Variants in BCORL1 observed in about 807,000 individuals in gnomAD.
BCORL1 encodes BCL-6 corepressor-like protein 1.
BCORL1 carries 7 observed loss-of-function variants against 87.6 expected under a neutral mutation model. The ratio of observed to expected loss-of-function variants is 0.08; its 90% CI spans 0.05 to 0.15. The LOEUF is 0.15. Among genes scored for constraint, BCORL1 ranks in the 10% least tolerant of loss-of-function variants. BCORL1 has a pLI of 1.00. For synonymous variants in BCORL1, 591 were observed against 634.4 expected (o/e 0.93, Z 1.03); for missense variants, 1,215 against 1,499.7 (o/e 0.81, Z 3.13).
intron 8 of BCORL1, 127 bp downstream of exon 8, chrX:130,028,988 T>G: frequency 7.3e-6 from 4 of 549,941 alleles, no homozygotes; most frequent in Non-Finnish European, 5.9e-6. Context: ...AAACTAGTTC[T>G]CGAAGGGTTG....
At chrX:130,037,755 G>A (rs1931045686) in intron 10 of BCORL1, among the ~76,000 whole-genome samples, 1 of 111,544 alleles carries the variant, frequency 9.0e-6, no homozygotes, top group African/African-American at 3.3e-5. Context: ...GCCGGGTGTG[G>A]TGGCATGTGC....
intron 1 of BCORL1, among the ~76,000 whole-genome samples, chrX:129,993,850 A>G (rs1181346951): frequency 9.1e-6 from 1 of 110,106 alleles, no homozygotes; most frequent in African/African-American, 3.3e-5. Flanking sequence ...GTTGGTGTGC[A>G]ATGGCACAAT....
chrX:130,003,375 T>TTCTTCTTC (rs1556039830), intron 1 of BCORL1, among the ~76,000 whole-genome samples: 256 of 82,793 alleles, frequency 3.1e-3, no homozygotes, highest in African/African-American at 0.017. Context: ...CTTCTTCTTC[T>TTCTTCTTC]TTTTTTTTTT....
intron 1 of BCORL1, among the ~76,000 whole-genome samples, chrX:129,999,684 T>C (rs565424146): frequency 0.018 from 1,633 of 90,817 alleles, 26 homozygotes; most frequent in African/African-American, 0.048. Flanking sequence ...TAATTCTTTT[T>C]CCCCCCCCCC....
At chrX:129,990,914 A>G (rs1927087229) in intron 1 of BCORL1, among the ~76,000 whole-genome samples, 1 of 111,153 alleles carries the variant, frequency 9.0e-6, no homozygotes, top group Non-Finnish European at 1.9e-5. Flanking sequence ...TGTTTATTTA[A>G]TTAATTAATT....
chrX:129,997,629 T>C (rs1369953333), intron 1 of BCORL1, among the ~76,000 whole-genome samples: 2 of 107,832 alleles, frequency 1.9e-5, no homozygotes, highest in African/African-American at 6.8e-5. Flanking sequence ...CCGTCTCTAC[T>C]AAAAATACAA....
In BCORL1 at chrX:130,014,902, C is replaced by T; in HGVS notation, c.2130C>T (p.Ile710=). 8.3e-7 allele frequency: 1 copy of T among 1,211,733 alleles called. No individual in the cohort carries two copies. Among genetic ancestry groups the T allele is most frequent in the Non-Finnish European group, 1.1e-6 (1 of 895,499 alleles). The change falls in exon 4 of 14, where the codon ATC becomes ATT. Residue 710 remains isoleucine (I), a synonymous_variant. Coordinates refer to ENST00000540052, the MANE Select transcript of BCORL1 (RefSeq NM_001379451.1). The part of the protein sequence containing the change: ...STWVKNSTAL[I]STIPGTYVGV... ...GGGTGAAGAACTCAACTGCACTGAT[C>T]AGCACCATTCCTGGCACCTACGTGG...
At chrX:129,999,331 T>C (rs1349261836) in intron 1 of BCORL1, among the ~76,000 whole-genome samples, 3 of 86,889 alleles carry the variant, frequency 3.5e-5, no homozygotes, top group African/African-American at 1.3e-4. Flanking sequence ...TTTTTTGAGA[T>C]AGGGTCTCCC....
Position 130,012,585 on chromosome X carries a change from C to T in BCORL1, c.94C>T (p.Pro32Ser), listed in dbSNP as rs751845717. ...TTGTATCTTCCATGCTAGAAGAGCACCTCTTTCTGATGAGGAGTCAACGAC... is the reference window on the plus strand; with the variant it reads ...TTGTATCTTCCATGCTAGAAGAGCATCTCTTTCTGATGAGGAGTCAACGAC... Reference protein sequence around the residue: ...MCGINEERRAPLSDEESTTGD... With the variant: ...MCGINEERRASLSDEESTTGD... The change falls in exon 3 of 14, where the codon CCT (proline) becomes TCT (serine). Residue 32 changes from proline to serine, a missense_variant. Transcript: ENST00000540052. 8.3e-7 allele frequency: 1 copy of T among 1,208,756 alleles called. No individual in the cohort carries two copies.
At chrX:130,041,750 C>T (rs1931330489) in intron 11 of BCORL1, among the ~76,000 whole-genome samples, 1 of 111,211 alleles carries the variant, frequency 9.0e-6, no homozygotes, top group African/African-American at 3.3e-5. Context: ...CCTCAGCCTC[C>T]CAAGGAGCTG....
rs1193118062 is a variant in BCORL1 at position 130,022,825 on chromosome X, G to A, written c.3608-72G>A. The A allele has an allele frequency of 4.3e-6, 4 of 937,575 alleles. No homozygotes were observed. In the African/African-American group the frequency reaches 5.8e-5, roughly 14 times the overall value. 77.3% of individuals were successfully genotyped at this position (937,575 alleles called of 1,213,427 possible). On this transcript the variant is annotated intron_variant, in intron 5 of 13. Coordinates refer to ENST00000540052, the MANE Select transcript of BCORL1 (RefSeq NM_001379451.1). Reference sequence around the variant, plus strand: ...TCAATCTTTCCCCCGAGCCTCACAGGTGGGCTTTCTGGTCTTTAAGCTTTG... The same window carrying A: ...TCAATCTTTCCCCCGAGCCTCACAGATGGGCTTTCTGGTCTTTAAGCTTTG...
intron 9 of BCORL1, among the ~76,000 whole-genome samples, chrX:130,035,813 C>T (rs186543552): frequency 7.1e-5 from 8 of 112,864 alleles, no homozygotes; most frequent in South Asian, 3.6e-4. Flanking sequence ...ACTAAGGCAG[C>T]CTGTCAGGGA....
intron 10 of BCORL1, 54 bp downstream of exon 10, chrX:130,037,587 C>T (rs958310772): frequency 7.0e-6 from 8 of 1,146,780 alleles, no homozygotes; most frequent in South Asian, 2.0e-5. Flanking sequence ...CTCAGCCTCT[C>T]ACTCAAAAGA....
chrX:130,010,142 C>T (rs1235283356), intron 2 of BCORL1, among the ~76,000 whole-genome samples: 1 of 111,701 alleles, frequency 9.0e-6, no homozygotes, highest in Non-Finnish European at 1.9e-5. Flanking sequence ...TTCGAGGTGT[C>T]ATTTCAGGCA....
intron 1 of BCORL1, among the ~76,000 whole-genome samples, chrX:129,986,522 A>T (rs1926633221): frequency 8.9e-6 from 1 of 112,266 alleles, no homozygotes; most frequent in African/African-American, 3.2e-5. Context: ...GCAGTTCATG[A>T]AATAGAAAAA....
At chrX:130,021,244 C>T (rs1929785169) in intron 5 of BCORL1, 94 bp downstream of exon 5, 1 of 1,100,610 alleles carries the variant, frequency 9.1e-7, no homozygotes, top group African/African-American at 2.0e-5. Context: ...CTGACTCCTT[C>T]ACTCTGGAAA....
chrX:130,014,382 C>A lies in BCORL1; in HGVS notation c.1610C>A (p.Thr537Asn). 2 of 1,211,864 alleles carry A rather than the reference C, an allele frequency of 1.7e-6. No homozygotes were observed. The highest frequency in any genetic ancestry group is 2.2e-6 in the Non-Finnish European group (2 of 895,523). Residue 537 changes from threonine to asparagine, a missense_variant, in exon 4 of 14, where the codon ACC (threonine) becomes AAC (asparagine). Coordinates refer to ENST00000540052, the MANE Select transcript of BCORL1 (RefSeq NM_001379451.1). ...PCTSPSGSTT[T>N]QPAPDGVPGP... ...ACTTCCCCATCCGGTAGCACCACCA[C>A]CCAGCCTGCACCCGATGGGGTCCCT...
At chrX:130,048,189 G>A (rs1931869838) in intron 11 of BCORL1, among the ~76,000 whole-genome samples, 1 of 112,415 alleles carries the variant, frequency 8.9e-6, no homozygotes, top group Non-Finnish European at 1.9e-5. Context: ...AGCTCACAAT[G>A]CTAATAGGTG....
rs755524355 is a variant in BCORL1 at position 130,013,266 on chromosome X, G to A, written c.494G>A (p.Arg165Gln). The A allele has an allele frequency of 7.6e-5, 92 of 1,210,431 alleles. No homozygotes were observed. Among genetic ancestry groups the A allele is most frequent in the Middle Eastern group, 4.6e-4 (2 of 4,376 alleles). Residue 165 changes from arginine to glutamine, a missense_variant, in exon 4 of 14, where the codon CGG becomes CAG. Arg to Gln is a conservative substitution (Grantham distance 43). This residue lies in a region of BCORL1 where 861 missense variants were observed against 1,010.0 expected (regional missense o/e 0.85). Transcript: ENST00000540052. ...GCCGGAGTAAAGGCTTTGGACTCTC[G>A]GCAAGGTGTTGGAGAGAAGAATACT... is the stretch of plus-strand genomic sequence containing the variant. ...SPAGVKALDS[R>Q]QGVGEKNTFI...
Sources: gnomAD v4.1 joint callset for allele counts (sites outside exome capture counted in the v4.1 genomes callset) on GRCh38, gnomAD v4.1.1 for gene constraint, gnomAD v4.1.1 regional missense constraint, MANE v1.5 for transcripts, NCBI Gene and HGNC (gene_info 2026-07-23, HGNC 2026-07-21) for gene names.